Variants in CATSPERT observed in about 807,000 individuals in gnomAD.
CATSPERT encodes catsper channel auxiliary subunit tau.
the CATSPERT span, among the ~76,000 whole-genome samples, chr2:201,543,067 T>G: frequency 6.6e-6 from 1 of 152,226 alleles, no homozygotes; most frequent in Non-Finnish European, 1.5e-5. Context: ...TTCTTTTGCA[T>G]GTGAATATCC....
chr2:201,581,480 ATATATATATATAT>A, the CATSPERT span, among the ~76,000 whole-genome samples: 6 of 968 alleles, frequency 6.2e-3, no homozygotes, highest in Non-Finnish European at 0.014. Context: ...ATTCCGGAAT[ATATATATATATAT>A]ATATATATAT....
At chr2:201,594,485 T>C in the CATSPERT span, among the ~76,000 whole-genome samples, 3 of 152,188 alleles carry the variant, frequency 2.0e-5, no homozygotes, top group Admixed American at 6.5e-5. Flanking sequence ...AGGAGTATCT[T>C]TGTGGCATTC....
At chr2:201,562,062 C>CTAGG in the CATSPERT span, among the ~76,000 whole-genome samples, 10 of 152,170 alleles carry the variant, frequency 6.6e-5, no homozygotes, top group East Asian at 1.9e-3. Flanking sequence ...CCATCTTTTT[C>CTAGG]TAGGCATAAT....
At chr2:201,529,382 G>A in the CATSPERT span, among the ~76,000 whole-genome samples, 2 of 152,090 alleles carry the variant, frequency 1.3e-5, no homozygotes, top group East Asian at 1.9e-4. Context: ...AAACAGCATG[G>A]CACTGGCACA....
the CATSPERT span, among the ~76,000 whole-genome samples, chr2:201,563,393 C>T: frequency 1.7e-5 from 2 of 114,700 alleles, no homozygotes; most frequent in East Asian, 2.6e-4. Context: ...CCCTCCCGGA[C>T]GGGGCGGCTG....
chr2:201,559,101 G>A, the CATSPERT span, among the ~76,000 whole-genome samples: 3 of 152,186 alleles, frequency 2.0e-5, no homozygotes, highest in Admixed American at 6.5e-5. Context: ...TGGGCCAACA[G>A]GGTGGCTATG....
At chr2:201,574,165 T>C in the CATSPERT span, 1 of 1,381,526 alleles carries the variant, frequency 7.2e-7, no homozygotes, top group South Asian at 1.4e-5. Flanking sequence ...ACGATTTGAC[T>C]GAAGAGTTAC....
chr2:201,613,302 A>G, the CATSPERT span, among the ~76,000 whole-genome samples: 1 of 152,228 alleles, frequency 6.6e-6, no homozygotes, highest in Non-Finnish European at 1.5e-5. Context: ...GACACCTCCC[A>G]GTAGGGGCCA....
chr2:201,575,524 C>T, the CATSPERT span, among the ~76,000 whole-genome samples: 1 of 152,128 alleles, frequency 6.6e-6, no homozygotes, highest in Admixed American at 6.6e-5. Flanking sequence ...CTTCTCATCA[C>T]TCACATTACC....
At chr2:201,618,918 G>C in the CATSPERT span, 1 of 1,613,696 alleles carries the variant, frequency 6.2e-7, no homozygotes, top group Non-Finnish European at 8.5e-7. Flanking sequence ...GCCGGTGCCC[G>C]GTGCCCTCCT....
At chr2:201,571,603 T>C in the CATSPERT span, among the ~76,000 whole-genome samples, 2 of 152,266 alleles carry the variant, frequency 1.3e-5, no homozygotes, top group East Asian at 1.9e-4. Flanking sequence ...ATGTTAAGTC[T>C]CTCACCTCTT....
chr2:201,577,161 A>G, the CATSPERT span, among the ~76,000 whole-genome samples: 3 of 152,180 alleles, frequency 2.0e-5, no homozygotes, highest in Admixed American at 2.0e-4. Context: ...TGTATATAAG[A>G]TGTATATGAA....
the CATSPERT span, among the ~76,000 whole-genome samples, chr2:201,519,589 C>T: frequency 6.6e-6 from 1 of 151,408 alleles, no homozygotes; most frequent in Non-Finnish European, 1.5e-5. Flanking sequence ...CAAGAGAATA[C>T]AGATTGAGGA....
At chr2:201,611,860 T>G in the CATSPERT span, among the ~76,000 whole-genome samples, 1 of 152,224 alleles carries the variant, frequency 6.6e-6, no homozygotes, top group Non-Finnish European at 1.5e-5. Flanking sequence ...CGTTTAGGTC[T>G]CCATGCTCTA....
the CATSPERT span, among the ~76,000 whole-genome samples, chr2:201,590,218 G>C: frequency 6.7e-6 from 1 of 149,276 alleles, no homozygotes; most frequent in Non-Finnish European, 1.5e-5. Flanking sequence ...TCCCACCTAT[G>C]AGTGAGAATA....
At chr2:201,519,117 C>A in the CATSPERT span, among the ~76,000 whole-genome samples, 1 of 152,164 alleles carries the variant, frequency 6.6e-6, no homozygotes, top group African/African-American at 2.4e-5. Flanking sequence ...CCATTGTGAA[C>A]TATGCCCAAA....
the CATSPERT span, chr2:201,557,835 T>C: frequency 6.6e-6 from 1 of 152,218 alleles, no homozygotes; most frequent in African/African-American, 2.4e-5. Flanking sequence ...CTAGCATTTC[T>C]CCATATCTGT....
the CATSPERT span, among the ~76,000 whole-genome samples, chr2:201,564,889 T>C: frequency 0.055 from 8,372 of 152,142 alleles, 279 homozygotes; most frequent in African/African-American, 0.08. Flanking sequence ...ATAAATATGT[T>C]CAAAGAATTA....
the CATSPERT span, among the ~76,000 whole-genome samples, chr2:201,533,510 T>G: frequency 6.6e-6 from 1 of 152,200 alleles, no homozygotes; most frequent in Non-Finnish European, 1.5e-5. Context: ...CATCATTGTA[T>G]GTAGGGGACA....
Sources: allele counts gnomAD v4.1 joint callset (sites outside exome capture counted in the v4.1 genomes callset), GRCh38; gene constraint gnomAD v4.1.1; transcripts MANE v1.5; gene names NCBI Gene and HGNC (gene_info 2026-07-23, HGNC 2026-07-21).